Variants in ZMYM4 observed in about 807,000 individuals in gnomAD.
ZMYM4 encodes zinc finger MYM-type containing 4.
ZMYM4 carries 31 observed loss-of-function variants against 183.2 expected under a neutral mutation model. The ratio of observed to expected loss-of-function variants is 0.17; its 90% CI spans 0.13 to 0.23. ZMYM4 has a LOEUF of 0.23. Among genes scored for constraint, ZMYM4 ranks in the 10% least tolerant of loss-of-function variants. The pLI is 1.00. For missense variants in ZMYM4, 1,273 were observed against 1,840.3 expected, an observed-to-expected ratio of 0.69 and a Z score of 5.64; for synonymous variants, 592 against 631.2, an observed-to-expected ratio of 0.94 and a Z score of 0.93.
chr1:35,288,020 G>A (rs1309210520), intron 1 of ZMYM4, among the ~76,000 whole-genome samples: 1 of 152,090 alleles, frequency 6.6e-6, no homozygotes, highest in Non-Finnish European at 1.5e-5. Flanking sequence ...ATCTCTATTA[G>A]TTACTGGCTT....
At chr1:35,396,800 C>A in intron 19 of ZMYM4, 130 bp downstream of exon 19, 4 of 1,050,806 alleles carry the variant, frequency 3.8e-6, no homozygotes, top group Non-Finnish European at 5.2e-6. Context: ...TTATCATATT[C>A]CCATTATTAC....
At chr1:35,279,788 C>T (rs542993716) in intron 1 of ZMYM4, among the ~76,000 whole-genome samples, 2 of 152,164 alleles carry the variant, frequency 1.3e-5, no homozygotes, top group Non-Finnish European at 2.9e-5. Flanking sequence ...CATAGCTCAC[C>T]TTTCTTCCAG....
intron 2 of ZMYM4, among the ~76,000 whole-genome samples, chr1:35,340,047 C>T (rs1334878430): frequency 3.9e-5 from 6 of 152,128 alleles, no homozygotes; most frequent in African/African-American, 1.4e-4. Context: ...AATTTTTCTT[C>T]AGGAATGTTT....
intron 1 of ZMYM4, among the ~76,000 whole-genome samples, chr1:35,271,595 AT>A (rs1410806072): frequency 6.6e-6 from 1 of 151,954 alleles, no homozygotes; most frequent in Non-Finnish European, 1.5e-5. Context: ...TAAAGATGGG[AT>A]TTTGCCATGT....
At chr1:35,335,005 C>T (rs937868057) in intron 2 of ZMYM4, among the ~76,000 whole-genome samples, 2 of 152,012 alleles carry the variant, frequency 1.3e-5, no homozygotes, top group Non-Finnish European at 2.9e-5. Flanking sequence ...TTTATGAAAA[C>T]GCTTAACCAC....
At chr1:35,386,717 G>A (rs534410080) in intron 11 of ZMYM4, among the ~76,000 whole-genome samples, 5 of 152,208 alleles carry the variant, frequency 3.3e-5, no homozygotes, top group African/African-American at 1.2e-4. Flanking sequence ...TCTGTATTTG[G>A]AATTTAATTT....
chr1:35,344,988 C>T, intron 2 of ZMYM4, among the ~76,000 whole-genome samples: 1 of 152,188 alleles, frequency 6.6e-6, no homozygotes, highest in East Asian at 1.9e-4. Context: ...TCTTCCATGT[C>T]AGTTTTGGTA....
chr1:35,268,937 G>A lies in ZMYM4; in HGVS notation c.-110G>A. 1 of 1,258,658 alleles carries A rather than the reference G, an allele frequency of 7.9e-7. No individual in the cohort carries two copies. The highest frequency in any genetic ancestry group is 1.0e-6 in the Non-Finnish European group (1 of 984,152). The allele number at this position is 1,258,658 out of a possible 1,614,324, so 78.0% of individuals were successfully genotyped here. On this transcript the variant is annotated 5_prime_UTR_variant, in exon 1 of 30. Transcript: ENST00000314607. ...TCGGCGCAAGGCCCGGCCGGGTCCG[G>A]GGAAGCTGCCGCGAGGCGGCCGTGC...
chr1:35,291,634 C>CTT lies in ZMYM4; in HGVS notation c.39+22568_39+22569dup, dbSNP rs1296107892. On this transcript the variant is annotated intron_variant, in intron 1 of 29. Coordinates refer to ENST00000314607, the MANE Select transcript of ZMYM4 (RefSeq NM_005095.3). The stretch of plus-strand genomic sequence containing the variant: ...ATAATAGTAGTGGTAGTGATTGTTA[C>CTT]TTTTTTTTTTTTTTTTTTTTGAGAC... Among the ~76,000 whole-genome samples, 33 of 129,310 alleles carry CTT rather than the reference C, an allele frequency of 2.6e-4. 1 individual carries two copies. The highest frequency in any genetic ancestry group is 9.2e-4 in the East Asian group (4 of 4,370). The allele number at this position is 129,310 out of a possible 152,430, so 84.8% of individuals were successfully genotyped here.
At chr1:35,329,490 C>G (rs1642642888) in intron 2 of ZMYM4, among the ~76,000 whole-genome samples, 1 of 152,130 alleles carries the variant, frequency 6.6e-6, no homozygotes, top group Non-Finnish European at 1.5e-5. Context: ...CATTAAATGG[C>G]TCTAAGATAG....
rs1644731158 is a variant in ZMYM4, at chr1:35,392,638, T to C, written c.2729-9T>C. 1 of 1,588,146 alleles carries C rather than the reference T, an allele frequency of 6.3e-7. No individual in the cohort carries two copies. Among genetic ancestry groups the C allele is most frequent in the Non-Finnish European group, 8.5e-7 (1 of 1,171,394 alleles). ...AAGATCCTAAATTTATGTTTTAATTTATATCAAGGTGCAGTTCCAACAGTA... is the reference window on the plus strand; with the variant it reads ...AAGATCCTAAATTTATGTTTTAATTCATATCAAGGTGCAGTTCCAACAGTA... On this transcript the variant is annotated splice_polypyrimidine_tract_variant and intron_variant, in intron 16 of 29. Transcript: ENST00000314607.
chr1:35,344,514 T>C (rs925729697), intron 2 of ZMYM4, among the ~76,000 whole-genome samples: 3 of 152,114 alleles, frequency 2.0e-5, no homozygotes, highest in African/African-American at 4.8e-5. Context: ...TCAAAGACCT[T>C]CTTTTCTCTT....
intron 1 of ZMYM4, among the ~76,000 whole-genome samples, chr1:35,308,515 C>T (rs1167132861): frequency 6.6e-6 from 1 of 152,136 alleles, no homozygotes; most frequent in Non-Finnish European, 1.5e-5. Context: ...AACTAGTCTA[C>T]TTTAGTGTTC....
At chr1:35,272,942 C>T (rs1639691568) in intron 1 of ZMYM4, among the ~76,000 whole-genome samples, 1 of 152,124 alleles carries the variant, frequency 6.6e-6, no homozygotes, top group Non-Finnish European at 1.5e-5. Context: ...TCTCGATCTC[C>T]TGACCTCGTG....
intron 1 of ZMYM4, among the ~76,000 whole-genome samples, chr1:35,318,159 A>C (rs1047476675): frequency 6.6e-6 from 1 of 150,576 alleles, no homozygotes; most frequent in Non-Finnish European, 1.5e-5. Flanking sequence ...CCCGGGTTCA[A>C]GTGATTCTCC....
chr1:35,381,227 C>T, intron 7 of ZMYM4, 32 bp from the exon 8 acceptor site: 2 of 1,509,920 alleles, frequency 1.3e-6, no homozygotes, highest in South Asian at 1.3e-5. Flanking sequence ...TGAATTATAC[C>T]ATGGCTTATG....
At chr1:35,269,138 G>C in intron 1 of ZMYM4, 53 bp downstream of exon 1, 4 of 1,541,148 alleles carry the variant, frequency 2.6e-6, no homozygotes, top group Non-Finnish European at 2.6e-6. Context: ...GCGGCCCGGG[G>C]CCGGGAATGG....
intron 7 of ZMYM4, among the ~76,000 whole-genome samples, chr1:35,372,113 A>G (rs978512931): frequency 1.3e-5 from 2 of 152,248 alleles, no homozygotes; most frequent in Non-Finnish European, 2.9e-5. Context: ...AAAGCCATTT[A>G]GAACCATGTA....
At chr1:35,403,853 A>G (rs1644955899) in intron 23 of ZMYM4, among the ~76,000 whole-genome samples, 1 of 152,176 alleles carries the variant, frequency 6.6e-6, no homozygotes, top group Non-Finnish European at 1.5e-5. Flanking sequence ...TAAGCTATAA[A>G]TGCTGTTTCT....
Sources: allele counts gnomAD v4.1 joint callset (sites outside exome capture counted in the v4.1 genomes callset), GRCh38; gene constraint gnomAD v4.1.1; transcripts MANE v1.5; gene names NCBI Gene and HGNC (gene_info 2026-07-23, HGNC 2026-07-21).